Variants in NPTN observed in about 807,000 individuals in gnomAD.
The protein encoded by NPTN is SDR-1.
Under a neutral mutation model 42.7 loss-of-function variants are expected in NPTN, and 5 were observed. The observed-to-expected ratio is 0.12, with a 90% CI of 0.06 to 0.25. NPTN has a LOEUF of 0.25. Ranked by LOEUF, NPTN falls within the 10% of genes least tolerant of loss-of-function variation. The pLI, the probability that NPTN is intolerant of heterozygous loss-of-function variation, is 1.00. For synonymous variants in NPTN, 180 were observed against 201.9 expected (o/e 0.89, Z 0.92); for missense variants, 307 against 525.4 (o/e 0.58, Z 4.06).
chr15:73,610,262 G>GT (rs1004519230), intron 1 of NPTN, among the ~76,000 whole-genome samples: 4 of 151,910 alleles, frequency 2.6e-5, no homozygotes, highest in African/African-American at 4.8e-5. Flanking sequence ...AAGTTTTTTA[G>GT]TTTTTTGTAG....
At chr15:73,578,501 C>A (rs1895814316) in intron 4 of NPTN, among the ~76,000 whole-genome samples, 1 of 152,108 alleles carries the variant, frequency 6.6e-6, no homozygotes, top group Admixed American at 6.5e-5. Context: ...AAGGATGACA[C>A]CAAGGTTTTG....
At position 73,580,315 on chromosome 15, in the gene NPTN, C is replaced by T. The variant is rs528773497; in HGVS notation, c.707-6520G>A. ...TGGGTTGATAGGTGCAGCAAATCAC[C>T]ATGGCACAAGTATACCTATGTAACA... On this transcript the variant is annotated intron_variant, in intron 4 of 8. Coordinates refer to ENST00000345330, the MANE Select transcript of NPTN (RefSeq NM_012428.4). Among the ~76,000 whole-genome samples the T allele has an allele frequency of 2.7e-4, 40 of 149,480 alleles. No individual in the cohort carries two copies. The Middle Eastern group carries it at 0.01, about 39-fold the overall frequency.
intron 1 of NPTN, among the ~76,000 whole-genome samples, chr15:73,621,985 C>T (rs1204100716): frequency 2.6e-5 from 4 of 152,006 alleles, no homozygotes; most frequent in African/African-American, 9.7e-5. Flanking sequence ...CTACTAAAAA[C>T]TCATCAAACC....
chr15:73,567,545 G>A lies in NPTN; in HGVS notation c.1114+2605C>T, dbSNP rs1183697373. ...GACAGGTAAGTTTGTCCTTCCTATG[G>A]AGTGCACAGGGGTTGAGGGGAACTG... On this transcript the variant is annotated intron_variant, in intron 6 of 8. Transcript: ENST00000345330. 5.1e-6 allele frequency: 5 copies of A among 985,270 alleles called. No homozygotes were observed. The African/African-American group carries it at 5.2e-5, about 10-fold the overall frequency. 61.0% of individuals were successfully genotyped at this position (985,270 alleles called of 1,614,324 possible).
intron 1 of NPTN, among the ~76,000 whole-genome samples, chr15:73,613,241 T>C: frequency 6.6e-6 from 1 of 152,172 alleles, no homozygotes; most frequent in East Asian, 1.9e-4. Context: ...AATATCTGAG[T>C]CTCAGATTCA....
intron 6 of NPTN, chr15:73,567,292 T>C: frequency 1.0e-6 from 1 of 985,372 alleles, no homozygotes; most frequent in Non-Finnish European, 1.2e-6. Flanking sequence ...TAAAGTGCTA[T>C]TTGGCAAAGT....
chr15:73,623,549 T>C, intron 1 of NPTN, among the ~76,000 whole-genome samples: 1 of 152,050 alleles, frequency 6.6e-6, no homozygotes, highest in East Asian at 1.9e-4. Flanking sequence ...TAGCCAGGCA[T>C]GGAGGTATGC....
At position 73,569,333 on chromosome 15, in the gene NPTN, C is replaced by T; in HGVS notation, c.1114+817G>A. The T allele has an allele frequency of 1.0e-6, 1 of 985,614 alleles. No homozygotes were observed. Among genetic ancestry groups the T allele is most frequent in the Non-Finnish European group, 1.2e-6 (1 of 830,048 alleles). 61.1% of individuals were successfully genotyped at this position (985,614 alleles called of 1,614,324 possible). On this transcript the variant is annotated intron_variant, in intron 6 of 8. Coordinates refer to ENST00000345330, the MANE Select transcript of NPTN (RefSeq NM_012428.4). The surrounding 1 kb of genome is among the most constrained non-coding windows in gnomAD (Gnocchi z 4.1). Reference sequence around the variant, plus strand: ...AAAATTTCCCAAGGCTTTTCTGACTCTAGGCATATCCAATAACCTAAGATT... The same window carrying T: ...AAAATTTCCCAAGGCTTTTCTGACTTTAGGCATATCCAATAACCTAAGATT...
At chr15:73,572,888 G>A (rs1895487698) in intron 5 of NPTN, among the ~76,000 whole-genome samples, 2 of 152,124 alleles carry the variant, frequency 1.3e-5, no homozygotes, top group African/African-American at 4.8e-5. Flanking sequence ...TGTGGGAGGT[G>A]ACAGGATCAT....
Position 73,597,164 on chromosome 15 carries a change from A to G in NPTN, c.297T>C (p.Ser99=), listed in dbSNP as rs1297979686. ...AGGTGAGCCGGGTTATTCTCAGCAC[A>G]CTCACGCCGTTTGACCCGTAGGCGG... is the stretch of plus-strand genomic sequence containing the variant. ...VNTAYGSNGV[S]VLRITRLTLE... The change falls in exon 2 of 9, where the codon AGT becomes AGC. Residue 99 remains serine (S), a synonymous_variant. Coordinates refer to ENST00000345330, the MANE Select transcript of NPTN (RefSeq NM_012428.4). This position sits in a 1 kb window ranked among gnomAD's most constrained non-coding sequence, Gnocchi z 6.3. The G allele has an allele frequency of 6.2e-7, 1 of 1,613,820 alleles. No homozygotes were observed. The highest frequency in any genetic ancestry group is 1.3e-5 in the African/African-American group (1 of 74,830).
chr15:73,580,399 A>ATT (rs1024823422), intron 4 of NPTN, among the ~76,000 whole-genome samples: 2 of 129,204 alleles, frequency 1.5e-5, no homozygotes, highest in African/African-American at 6.0e-5. Flanking sequence ...AAATATATAT[A>ATT]TTATATATAT....
chr15:73,609,562 T>TG (rs1310822086), intron 1 of NPTN, among the ~76,000 whole-genome samples: 1 of 152,030 alleles, frequency 6.6e-6, no homozygotes, highest in Non-Finnish European at 1.5e-5. Context: ...ACCCAGGAGA[T>TG]GGAGGTTGCA....
rs1416690435 is a variant in NPTN, at chr15:73,570,401, C to T, written c.863G>A (p.Arg288His). Residue 288 changes from arginine (R) to histidine (H), a missense_variant, in exon 6 of 9, where the codon CGC becomes CAC. Arg to His is a conservative substitution (Grantham distance 29). Transcript: ENST00000345330. The surrounding 1 kb of genome is among the most constrained non-coding windows in gnomAD (Gnocchi z 4.0). ...MPMDIVNTSG[R>H]FFIINKENYT... is the part of the protein sequence containing the mutation. ...ATTTTCCTTGTTGATGATGAAGAAG[C>T]GGCCAGAGGTATTGACAATGTCCTG... 3.1e-6 allele frequency: 5 copies of T among 1,612,864 alleles called. No homozygotes were observed. Among genetic ancestry groups the T allele is most frequent in the Non-Finnish European group, 4.2e-6 (5 of 1,179,812 alleles).
In NPTN at chr15:73,569,061, C is replaced by T. The variant is rs1261472460; in HGVS notation, c.1114+1089G>A. On this transcript the variant is annotated intron_variant, in intron 6 of 8. Coordinates refer to ENST00000345330, the MANE Select transcript of NPTN (RefSeq NM_012428.4). This position sits in a 1 kb window ranked among gnomAD's most constrained non-coding sequence, Gnocchi z 4.1. The stretch of plus-strand genomic sequence containing the variant: ...GCACCACAGGTGCACAAACACAGGC[C>T]CCAGAACAGCTGGACTACAGCTGGC... 1 of 985,520 alleles carries T rather than the reference C, an allele frequency of 1.0e-6. No individual in the cohort carries two copies. Among genetic ancestry groups the T allele is most frequent in the African/African-American group, 1.7e-5 (1 of 57,206 alleles). The allele number at this position is 985,520 out of a possible 1,614,324, so 61.0% of individuals were successfully genotyped here. A position where few individuals can be genotyped will look rare whatever the true frequency, so the allele number is the denominator to read the frequency against.
intron 1 of NPTN, among the ~76,000 whole-genome samples, chr15:73,602,390 A>C (rs1897117278): frequency 6.6e-6 from 1 of 152,172 alleles, no homozygotes; most frequent in South Asian, 2.1e-4. Context: ...AGATCATAAG[A>C]GCGTTTCTCT....
intron 1 of NPTN, among the ~76,000 whole-genome samples, chr15:73,614,004 T>C (rs991099055): frequency 3.9e-5 from 6 of 151,984 alleles, no homozygotes; most frequent in Admixed American, 2.6e-4. Context: ...CCAATTTAAA[T>C]TGTAACTTTT....
chr15:73,571,311 T>C (rs1233618280), intron 5 of NPTN, among the ~76,000 whole-genome samples: 1 of 152,136 alleles, frequency 6.6e-6, no homozygotes, highest in Non-Finnish European at 1.5e-5. Context: ...TAAAATATGC[T>C]GCATGCTTTA....
At chr15:73,576,892 A>T (rs543960104) in intron 4 of NPTN, among the ~76,000 whole-genome samples, 1 of 152,356 alleles carries the variant, frequency 6.6e-6, no homozygotes, top group South Asian at 2.1e-4. Context: ...TTATAAATAA[A>T]TCAGTTCTAT....
intron 3 of NPTN, 192 bp downstream of exon 3, chr15:73,591,774 G>A: frequency 2.0e-6 from 1 of 487,958 alleles, no homozygotes; most frequent in Non-Finnish European, 3.7e-6. Context: ...CTCCAATCTG[G>A]CTGCTCATTA....
Sources: allele counts gnomAD v4.1 joint callset (sites outside exome capture counted in the v4.1 genomes callset), GRCh38; gene constraint gnomAD v4.1.1; non-coding constraint Gnocchi (gnomAD v3.1); transcripts MANE v1.5; gene names NCBI Gene and HGNC (gene_info 2026-07-23, HGNC 2026-07-21).